Variants in SLC35F3 observed in about 807,000 individuals in gnomAD.
SLC35F3 encodes solute carrier family 35 member F3.
SLC35F3 carries 25 observed loss-of-function variants against 49.9 expected under a neutral mutation model. That is an observed-to-expected ratio of 0.50 (90% confidence interval 0.37 to 0.70). SLC35F3 has a LOEUF of 0.70. Among genes scored for constraint, SLC35F3 ranks in the 30% least tolerant of loss-of-function variants. SLC35F3 has a pLI of 0.00. For synonymous variants in SLC35F3, 275 were observed against 265.4 expected, an observed-to-expected ratio of 1.04 and a Z score of -0.35; for missense variants, 525 against 639.8, an observed-to-expected ratio of 0.82 and a Z score of 1.94.
At chr1:234,178,461 G>GTAAAAAAAA (rs1666508059) in intron 2 of SLC35F3, among the ~76,000 whole-genome samples, 1 of 140,984 alleles carries the variant, frequency 7.1e-6, no homozygotes. Flanking sequence ...CTCTCCTAAG[G>GTAAAAAAAA]AAAAAAAAAA....
chr1:234,219,263 G>A (rs1667167383), intron 2 of SLC35F3, among the ~76,000 whole-genome samples: 1 of 152,034 alleles, frequency 6.6e-6, no homozygotes, highest in African/African-American at 2.4e-5. Context: ...ATCCTGGAAT[G>A]CTCAATTAAT....
Position 234,214,280 on chromosome 1 carries a change from G to T in SLC35F3, c.284-17137G>T. 1 of 1,274,284 alleles carries T rather than the reference G, an allele frequency of 7.8e-7. No individual in the cohort carries two copies. Among genetic ancestry groups the T allele is most frequent in the Non-Finnish European group, 9.9e-7 (1 of 1,013,838 alleles). The allele number at this position is 1,274,284 out of a possible 1,614,324, so 78.9% of individuals were successfully genotyped here. ...CGCGTGTGTGTGGAGTGGCTGCGCG[G>T]CCGGGGAGGATGTGCGCTGCAGGGC... On this transcript the variant is annotated intron_variant, in intron 2 of 7. Coordinates refer to ENST00000366618, the MANE Select transcript of SLC35F3 (RefSeq NM_173508.4). This position sits in a 1 kb window ranked among gnomAD's most constrained non-coding sequence, Gnocchi z 8.0.
Position 234,323,942 on chromosome 1 carries a change from C to A in SLC35F3, c.*699C>A, listed in dbSNP as rs1044026211. The A allele has an allele frequency of 6.6e-6, 1 of 152,264 alleles. No homozygotes were observed. The highest frequency in any genetic ancestry group is 2.4e-5 in the African/African-American group (1 of 41,442). 9.4% of individuals were successfully genotyped at this position (152,264 alleles called of 1,614,324 possible). ...CCTTCTACAGAATTTTCGTCTTTAC[C>A]TATGTGAAGCGAGGTGACGTGATAC... On this transcript the variant is annotated 3_prime_UTR_variant, in exon 8 of 8. Transcript: ENST00000366618. This position sits in a 1 kb window ranked among gnomAD's most constrained non-coding sequence, Gnocchi z 4.5.
chr1:234,124,060 G>C (rs1405113204), intron 2 of SLC35F3, among the ~76,000 whole-genome samples: 1 of 152,194 alleles, frequency 6.6e-6, no homozygotes, highest in Non-Finnish European at 1.5e-5. Context: ...AACAGAGCCA[G>C]AAGCAAAGAT....
At chr1:234,290,270 T>A (rs1322488414) in intron 3 of SLC35F3, among the ~76,000 whole-genome samples, 2 of 151,564 alleles carry the variant, frequency 1.3e-5, no homozygotes, top group African/African-American at 4.9e-5. Context: ...AGAAGCAAAA[T>A]GAAGAAAATG....
At chr1:234,013,542 T>G (rs1004573265) in intron 2 of SLC35F3, among the ~76,000 whole-genome samples, 6 of 146,178 alleles carry the variant, frequency 4.1e-5, no homozygotes, top group African/African-American at 1.5e-4. Context: ...AAAAAAACAA[T>G]GAAACTACAG....
At chr1:234,303,026 A>T (rs1326031773) in intron 3 of SLC35F3, among the ~76,000 whole-genome samples, 2 of 152,180 alleles carry the variant, frequency 1.3e-5, no homozygotes, top group African/African-American at 4.8e-5. Flanking sequence ...TATTTATACC[A>T]ATTTAGCTAA....
intron 2 of SLC35F3, among the ~76,000 whole-genome samples, chr1:234,229,374 T>G (rs1667333953): frequency 1.3e-5 from 2 of 152,236 alleles, no homozygotes; most frequent in African/African-American, 4.8e-5. Context: ...GTTTTGAGGA[T>G]CCAGAGAGGT....
At chr1:234,068,278 T>C (rs1664650591) in intron 2 of SLC35F3, among the ~76,000 whole-genome samples, 1 of 152,184 alleles carries the variant, frequency 6.6e-6, no homozygotes, top group African/African-American at 2.4e-5. Flanking sequence ...TCAGAAATAG[T>C]GAATGCACTC....
chr1:234,197,187 C>T (rs73110435), intron 2 of SLC35F3, among the ~76,000 whole-genome samples: 7,918 of 152,138 alleles, frequency 0.052, 667 homozygotes, highest in African/African-American at 0.18. Flanking sequence ...CTAACTGGTG[C>T]ATATCAAAGT....
chr1:234,075,808 A>C (rs930060544), intron 2 of SLC35F3, among the ~76,000 whole-genome samples: 2 of 152,198 alleles, frequency 1.3e-5, no homozygotes, highest in East Asian at 1.9e-4. Flanking sequence ...AGGTTAAACA[A>C]CACCACAGGT....
intron 2 of SLC35F3, among the ~76,000 whole-genome samples, chr1:234,047,971 C>T (rs534828422): frequency 1.3e-5 from 2 of 152,142 alleles, no homozygotes; most frequent in African/African-American, 4.8e-5. Context: ...ATACCTATAC[C>T]ATTCTGGTGC....
chr1:234,206,592 A>G (rs2102937410), intron 2 of SLC35F3, among the ~76,000 whole-genome samples: 1 of 152,066 alleles, frequency 6.6e-6, no homozygotes, highest in South Asian at 2.1e-4. Flanking sequence ...TGCCCTAGTG[A>G]CTTTCCACGC....
rs146232473 is a variant in SLC35F3, at chr1:234,009,668, C to T, written c.283+103910C>T. Reference sequence around the variant, plus strand: ...GCCTTCACTTGTCAGAGTTCAGATACGTAAAGGATCTATGTTACTCTGTGA... The same window carrying T: ...GCCTTCACTTGTCAGAGTTCAGATATGTAAAGGATCTATGTTACTCTGTGA... On this transcript the variant is annotated intron_variant, in intron 2 of 7. Transcript: ENST00000366618. 2.3e-3 allele frequency among the ~76,000 whole-genome samples: 344 copies of T among 152,158 alleles called. 2 individuals are homozygous for T. The highest frequency in any genetic ancestry group is 7.8e-3 in the African/African-American group (324 of 41,514).
At chr1:234,160,006 C>T (rs1666203950) in intron 2 of SLC35F3, among the ~76,000 whole-genome samples, 1 of 152,158 alleles carries the variant, frequency 6.6e-6, no homozygotes, top group Non-Finnish European at 1.5e-5. Context: ...ACACAGAGGA[C>T]ATTTTTCATG....
intron 3 of SLC35F3, among the ~76,000 whole-genome samples, chr1:234,298,436 G>T (rs973624544): frequency 6.6e-6 from 1 of 152,198 alleles, no homozygotes; most frequent in African/African-American, 2.4e-5. Flanking sequence ...AAAAGAAAGA[G>T]ACAAAGGTAT....
At chr1:234,145,877 T>G (rs1665988340) in intron 2 of SLC35F3, among the ~76,000 whole-genome samples, 1 of 152,202 alleles carries the variant, frequency 6.6e-6, no homozygotes, top group Non-Finnish European at 1.5e-5. Flanking sequence ...TTTCCTTTAT[T>G]ATGTATACTG....
At chr1:233,993,329 A>G (rs1451972459) in intron 2 of SLC35F3, among the ~76,000 whole-genome samples, 1 of 152,162 alleles carries the variant, frequency 6.6e-6, no homozygotes, top group Admixed American at 6.5e-5. Flanking sequence ...CTGGTGGTCC[A>G]GGGAAGTAGA....
intron 2 of SLC35F3, among the ~76,000 whole-genome samples, chr1:234,103,100 C>CA (rs1665236326): frequency 6.6e-6 from 1 of 152,100 alleles, no homozygotes; most frequent in Non-Finnish European, 1.5e-5. Context: ...GTGAATAAGG[C>CA]AAAAAAGACA....
Sources: gnomAD v4.1 joint callset for allele counts (sites outside exome capture counted in the v4.1 genomes callset) on GRCh38, gnomAD v4.1.1 for gene constraint, Gnocchi (gnomAD v3.1) non-coding constraint, MANE v1.5 for transcripts, NCBI Gene and HGNC (gene_info 2026-07-23, HGNC 2026-07-21) for gene names.